The following COPA variants were observed in gnomAD, a reference collection of about 807,000 sequenced individuals.
COPA encodes coatomer subunit alpha.
Under a neutral mutation model 158.7 loss-of-function variants are expected in COPA, and 10 were observed. The ratio of observed to expected loss-of-function variants is 0.06; its 90% CI spans 0.04 to 0.11. COPA has a LOEUF of 0.11. Among genes scored for constraint, COPA ranks in the 10% least tolerant of loss-of-function variants. The pLI is 1.00. For missense variants in COPA, 1,065 were observed against 1,536.7 expected (o/e 0.69, Z 5.13); for synonymous variants, 462 against 542.8 (o/e 0.85, Z 2.07).
At chr1:160,302,865 A>T (rs1336208121) in intron 17 of COPA, among the ~76,000 whole-genome samples, 2 of 151,982 alleles carry the variant, frequency 1.3e-5, no homozygotes, top group Non-Finnish European at 2.9e-5. Context: ...GGAATTTCAC[A>T]AGTTACTTTA....
chr1:160,313,449 C>G (rs956708511), intron 9 of COPA, among the ~76,000 whole-genome samples: 2 of 150,534 alleles, frequency 1.3e-5, no homozygotes, highest in Admixed American at 6.6e-5. Flanking sequence ...GAGTCTCGCT[C>G]TGTTGCCCAG....
At position 160,290,037 on chromosome 1, in the gene COPA, AG is replaced by A; in HGVS notation, c.*119del. 5 of 910,776 alleles carry A rather than the reference AG, an allele frequency of 5.5e-6. No homozygotes were observed. The highest frequency in any genetic ancestry group is 8.6e-6 in the Non-Finnish European group (5 of 582,810). The allele number at this position is 910,776 out of a possible 1,614,324, so 56.4% of individuals were successfully genotyped here. On this transcript the variant is annotated 3_prime_UTR_variant, in exon 33 of 33. Transcript: ENST00000241704. Reference sequence around the variant, plus strand: ...AGAAGAGAAAAAGATACTAGGTTTTAGGGTACAGAGAGCCAGATCTGAAGAG... The same window carrying A: ...AGAAGAGAAAAAGATACTAGGTTTTAGGTACAGAGAGCCAGATCTGAAGAG...
intron 8 of COPA, among the ~76,000 whole-genome samples, chr1:160,318,499 A>C (rs1384169732): frequency 5.4e-5 from 7 of 130,784 alleles, no homozygotes; most frequent in East Asian, 2.1e-4. Context: ...AAACAAAAAA[A>C]AAAAAAAAAC....
chr1:160,309,327 G>A, intron 12 of COPA, 151 bp from the exon 13 acceptor site: 2 of 638,420 alleles, frequency 3.1e-6, no homozygotes, highest in South Asian at 1.9e-5. Flanking sequence ...GCATTTGACT[G>A]TTTCTACATC....
chr1:160,325,523 C>G lies in COPA; in HGVS notation c.606+20G>C, dbSNP rs1659462363. On this transcript the variant is annotated intron_variant, in intron 7 of 32. Transcript: ENST00000241704. ...CAAGATGACAGCCCATATTCAGCCC[C>G]TGGCTATAAAGATAAGTACCTCTAG... 1 of 1,591,406 alleles carries G rather than the reference C, an allele frequency of 6.3e-7. No individual in the cohort carries two copies. The highest frequency in any genetic ancestry group is 8.6e-7 in the Non-Finnish European group (1 of 1,159,496).
rs186205638 is a variant in COPA at position 160,318,033 on chromosome 1, G to A, written c.707-3908C>T. On this transcript the variant is annotated intron_variant, in intron 8 of 32. Transcript: ENST00000241704. ...AATGCAAGCGTTCATAATAACTTGC[G>A]AATTGGCCCTGATGTTCTAGCATGT... Among the ~76,000 whole-genome samples the A allele has an allele frequency of 1.8e-3, 270 of 152,224 alleles. 5 individuals carry two copies. The highest frequency in any genetic ancestry group is 7.7e-4 in the East Asian group (4 of 5,194).
At chr1:160,307,312 C>T in intron 13 of COPA, 67 bp from the exon 14 acceptor site, 1 of 1,463,344 alleles carries the variant, frequency 6.8e-7, no homozygotes, top group South Asian at 1.1e-5. Context: ...TAGTCGGGTG[C>T]CATGGAGCTG....
In COPA at chr1:160,297,616, G is replaced by C; in HGVS notation, c.2107C>G (p.Leu703Val). 1 of 1,614,178 alleles carries C rather than the reference G, an allele frequency of 6.2e-7. No homozygotes were observed. Among genetic ancestry groups the C allele is most frequent in the Non-Finnish European group, 8.5e-7 (1 of 1,180,022 alleles). ...CCAGTGATAAGATACAGGAAGGAAA[G>C]TTTGTCAAAGTTTTTGGTACGCTGA... The part of the protein sequence containing the change: ...CYQRTKNFDK[L>V]SFLYLITGNL... Residue 703 changes from leucine (L) to valine (V), a missense_variant, in exon 20 of 33, where the codon CTT (leucine) becomes GTT (valine). By Grantham distance (32) the Leu-to-Val change is conservative. Around this residue, in one of 2 missense-constraint regions of COPA, gnomAD observed 980 missense variants for 1,357.8 expected, o/e 0.72. Coordinates refer to ENST00000241704, the MANE Select transcript of COPA (RefSeq NM_004371.4).
Position 160,309,159 on chromosome 1 carries a change from C to G in COPA, c.1161G>C (p.Glu387Asp), listed in dbSNP as rs776191448. Residue 387 changes from glutamate (E) to aspartate (D), a missense_variant, in exon 13 of 33, where the codon GAG becomes GAC. Glu to Asp is a conservative substitution (Grantham distance 45, BLOSUM62 2). This residue lies in a region of COPA where 980 missense variants were observed against 1,357.8 expected (regional missense o/e 0.72). Coordinates refer to ENST00000241704, the MANE Select transcript of COPA (RefSeq NM_004371.4). ...VLLCTRASNL[E>D]NSTYDLYTIP... ...TGGTGTACAGGTCATAGGTACTATTCTCTAGATTGCTAGCTCTCTGTAGAA... is the reference window on the plus strand; with the variant it reads ...TGGTGTACAGGTCATAGGTACTATTGTCTAGATTGCTAGCTCTCTGTAGAA... The G allele has an allele frequency of 2.5e-6, 4 of 1,613,130 alleles. No homozygotes were observed. The Admixed American group carries it at 5.0e-5, about 20-fold the overall frequency.
intron 4 of COPA, among the ~76,000 whole-genome samples, chr1:160,334,937 G>A (rs2101874430): frequency 1.3e-5 from 2 of 152,230 alleles, no homozygotes; most frequent in South Asian, 4.1e-4. Context: ...TACCCTACAT[G>A]GGATTAGCTG....
At chr1:160,342,340 G>A (rs1167185848) in intron 1 of COPA, among the ~76,000 whole-genome samples, 1 of 151,956 alleles carries the variant, frequency 6.6e-6, no homozygotes, top group Non-Finnish European at 1.5e-5. Context: ...CCAGGTCTTC[G>A]GAGACCTTAC....
intron 6 of COPA, 76 bp downstream of exon 6, chr1:160,332,372 C>T (rs1647566598): frequency 1.1e-6 from 1 of 894,664 alleles, no homozygotes; most frequent in Non-Finnish European, 1.7e-6. Context: ...TCTAAGTCAA[C>T]TCTCCTCACT....
At chr1:160,326,788 T>G (rs1001463073) in intron 6 of COPA, among the ~76,000 whole-genome samples, 1 of 152,250 alleles carries the variant, frequency 6.6e-6, no homozygotes, top group Non-Finnish European at 1.5e-5. Context: ...GATTATAGAT[T>G]TGAATACTTG....
intron 6 of COPA, among the ~76,000 whole-genome samples, chr1:160,330,609 C>A (rs1006588605): frequency 6.6e-6 from 1 of 152,178 alleles, no homozygotes; most frequent in Non-Finnish European, 1.5e-5. Context: ...ATTCCAAATG[C>A]TGTATCTCAG....
chr1:160,295,766 C>G lies in COPA; in HGVS notation c.2446G>C (p.Gly816Arg). The G allele has an allele frequency of 6.2e-7, 1 of 1,609,240 alleles. No individual in the cohort carries two copies. The highest frequency in any genetic ancestry group is 1.3e-5 in the African/African-American group (1 of 74,702). ...CTGGCAATGGTGCCTTCAAAAAATC[C>G]TTTGGATACAGTCAATAAAGGCCAA... Reference protein sequence around the residue: ...TNWPLLTVSKGFFEGTIASKG... With the variant: ...TNWPLLTVSKRFFEGTIASKG... The change falls in exon 23 of 33, where the codon GGA becomes CGA. Residue 816 changes from glycine (G) to arginine (R), a missense_variant. Physicochemically the swap from Gly to Arg is moderately radical, Grantham distance 125. Around this residue, in one of 2 missense-constraint regions of COPA, gnomAD observed 980 missense variants for 1,357.8 expected, o/e 0.72. Transcript: ENST00000241704.
intron 12 of COPA, among the ~76,000 whole-genome samples, chr1:160,309,941 T>C (rs1369121297): frequency 6.6e-6 from 1 of 152,166 alleles, no homozygotes; most frequent in African/African-American, 2.4e-5. Context: ...AAATTATTTC[T>C]AGTGATCTGG....
At chr1:160,342,559 A>G (rs968561751) in intron 1 of COPA, among the ~76,000 whole-genome samples, 10 of 152,192 alleles carry the variant, frequency 6.6e-5, no homozygotes, top group African/African-American at 1.9e-4. Context: ...TTAACTGGGT[A>G]TCCTGCATTT....
chr1:160,310,106 A>C (rs1379557068), intron 12 of COPA, 86 bp downstream of exon 12: 3 of 732,664 alleles, frequency 4.1e-6, no homozygotes, highest in Non-Finnish European at 6.4e-6. Context: ...ATAGTTTCTA[A>C]GAAGCCATTA....
intron 3 of COPA, among the ~76,000 whole-genome samples, chr1:160,338,132 C>A (rs530068452): frequency 6.6e-6 from 1 of 152,264 alleles, no homozygotes; most frequent in South Asian, 2.1e-4. Flanking sequence ...TTAATTAACA[C>A]CCAGTTTTTC....
Sources: allele counts gnomAD v4.1 joint callset (sites outside exome capture counted in the v4.1 genomes callset), GRCh38; gene constraint gnomAD v4.1.1; regional missense constraint gnomAD v4.1.1; transcripts MANE v1.5; gene names NCBI Gene and HGNC (gene_info 2026-07-23, HGNC 2026-07-21).